LUZP4: variants seen among roughly 807,000 people sequenced by gnomAD.
LUZP4 encodes HOM-TES-85 tumor antigen.
LUZP4 carries 11 observed loss-of-function variants against 8.5 expected under a neutral mutation model. That is an observed-to-expected ratio of 1.30 (90% confidence interval 0.82 to 2.14). LUZP4 has a LOEUF of 2.14. Among genes scored for constraint, LUZP4 ranks in the 30% most tolerant of loss-of-function variants. The pLI, the probability that LUZP4 is intolerant of heterozygous loss-of-function variation, is 0.00. For synonymous variants in LUZP4, 104 were observed against 79.4 expected, an observed-to-expected ratio of 1.31 and a Z score of -1.65; for missense variants, 276 against 229.7, an observed-to-expected ratio of 1.20 and a Z score of -1.30.
chrX:115,299,352 G>T (rs1284187780), intron 1 of LUZP4, among the ~76,000 whole-genome samples: 1 of 110,882 alleles, frequency 9.0e-6, no homozygotes, highest in Non-Finnish European at 1.9e-5. Context: ...AGCAAAACCA[G>T]CCAGGCCTGT....
In LUZP4 at chrX:115,298,501, T is replaced by A. The variant is rs189335254; in HGVS notation, c.92-3491T>A. Among the ~76,000 whole-genome samples, 4 of 112,624 alleles carry A rather than the reference T, an allele frequency of 3.6e-5. No homozygotes were observed. In the East Asian group the frequency reaches 1.1e-3, roughly 32 times the overall value. On this transcript the variant is annotated intron_variant, in intron 1 of 3. Transcript: ENST00000371920. ...CATTGTTTGTTTGTTTTTTCTTTTGTCTCCTCTGATTGTATATTTTCAAAT... is the reference window on the plus strand; with the variant it reads ...CATTGTTTGTTTGTTTTTTCTTTTGACTCCTCTGATTGTATATTTTCAAAT...
At chrX:115,290,235 G>A (rs1199685312) in intron 1 of LUZP4, among the ~76,000 whole-genome samples, 1 of 111,845 alleles carries the variant, frequency 8.9e-6, no homozygotes, top group Non-Finnish European at 1.9e-5. Context: ...GGAGCCAAGT[G>A]CTCTTCTCAG....
At chrX:115,293,059 A>G (rs1556597490) in intron 1 of LUZP4, among the ~76,000 whole-genome samples, 2 of 110,745 alleles carry the variant, frequency 1.8e-5, no homozygotes, top group East Asian at 5.6e-4. Flanking sequence ...GGTGAGGTAA[A>G]TGAGGCACTT....
intron 1 of LUZP4, among the ~76,000 whole-genome samples, chrX:115,300,918 G>T (rs1454735470): frequency 9.0e-6 from 1 of 111,109 alleles, no homozygotes; most frequent in Admixed American, 9.6e-5. Flanking sequence ...TTTTATGAAG[G>T]TGTTTTTTTC....
intron 1 of LUZP4, among the ~76,000 whole-genome samples, chrX:115,295,707 TA>T (rs2073368086): frequency 9.3e-6 from 1 of 107,890 alleles, no homozygotes; most frequent in Admixed American, 1.0e-4. Flanking sequence ...TTAAAACAAA[TA>T]AAAGGCAAAA....
At chrX:115,300,769 C>T (rs145977759) in intron 1 of LUZP4, among the ~76,000 whole-genome samples, 303 of 86,733 alleles carry the variant, frequency 3.5e-3, no homozygotes, top group African/African-American at 0.012. Flanking sequence ...ATGCTCTTGG[C>T]ACCACCATGT....
Position 115,289,783 on chromosome X carries a change from G to A in LUZP4, c.24G>A (p.Thr8=), listed in dbSNP as rs782456821. Residue 8 remains threonine, a synonymous_variant, in exon 1 of 4, where the codon ACG becomes ACA. Coordinates refer to ENST00000371920, the MANE Select transcript of LUZP4 (RefSeq NM_016383.5). ...AGATGGCTTCGTTTCGGAAGCTAACGCTTTCTGAAAAAGTGCCGCCAAATC... is the reference window on the plus strand; with the variant it reads ...AGATGGCTTCGTTTCGGAAGCTAACACTTTCTGAAAAAGTGCCGCCAAATC... MASFRKL[T]LSEKVPPNHP... is the part of the protein sequence containing the mutation. 1.7e-6 allele frequency: 2 copies of A among 1,207,624 alleles called. No individual in the cohort carries two copies. Among genetic ancestry groups the A allele is most frequent in the East Asian group, 3.0e-5 (1 of 33,632 alleles).
At chrX:115,297,585 T>C (rs2073376189) in intron 1 of LUZP4, among the ~76,000 whole-genome samples, 4 of 111,919 alleles carry the variant, frequency 3.6e-5, no homozygotes, top group Admixed American at 2.9e-4. Flanking sequence ...GCCCACTCTC[T>C]CCTGGCCTGT....
At position 115,306,871 on chromosome X, in the gene LUZP4, T is replaced by C; in HGVS notation, c.*67T>C. ...ATATATCTATATTCTAATGGCTAAA[T>C]ATGTATTTGTTGAAACATGTATATT... On this transcript the variant is annotated 3_prime_UTR_variant, in exon 4 of 4. Coordinates refer to ENST00000371920, the MANE Select transcript of LUZP4 (RefSeq NM_016383.5). The C allele has an allele frequency of 1.0e-6, 1 of 992,432 alleles. No individual in the cohort carries two copies. The highest frequency in any genetic ancestry group is 1.4e-6 in the Non-Finnish European group (1 of 713,910). 81.8% of individuals were successfully genotyped at this position (992,432 alleles called of 1,213,427 possible).
chrX:115,293,888 T>C (rs782648141), intron 1 of LUZP4, among the ~76,000 whole-genome samples: 2 of 109,748 alleles, frequency 1.8e-5, no homozygotes, highest in Non-Finnish European at 3.8e-5. Context: ...GAGGCCGAGG[T>C]TGCAGTGAGC....
chrX:115,294,238 T>A (rs1556598146), intron 1 of LUZP4, among the ~76,000 whole-genome samples: 1 of 112,203 alleles, frequency 8.9e-6, no homozygotes, highest in Non-Finnish European at 1.9e-5. Flanking sequence ...AACTGATAAA[T>A]AGCTAAAGCA....
chrX:115,297,516 A>T (rs782769634), intron 1 of LUZP4, among the ~76,000 whole-genome samples: 7 of 111,655 alleles, frequency 6.3e-5, no homozygotes, highest in Non-Finnish European at 1.1e-4. Flanking sequence ...TGTTTGAAGC[A>T]TATTCTCACT....
intron 1 of LUZP4, among the ~76,000 whole-genome samples, chrX:115,298,857 T>A (rs1484634808): frequency 9.0e-6 from 1 of 111,494 alleles, no homozygotes; most frequent in African/African-American, 3.3e-5. Context: ...TTGATACTAG[T>A]AGATGTTCTT....
At chrX:115,298,540 GCTCA>G (rs2147402398) in intron 1 of LUZP4, among the ~76,000 whole-genome samples, 1 of 112,110 alleles carries the variant, frequency 8.9e-6, no homozygotes, top group East Asian at 2.8e-4. Flanking sequence ...CTTTCTTCAA[GCTCA>G]CTAATTCTTT....
intron 1 of LUZP4, among the ~76,000 whole-genome samples, chrX:115,299,332 A>G (rs1218373420): frequency 4.6e-5 from 5 of 109,673 alleles, no homozygotes; most frequent in Non-Finnish European, 9.5e-5. Flanking sequence ...AATCTCTACA[A>G]TCAGCCAGTA....
chrX:115,290,529 G>A (rs782758310), intron 1 of LUZP4, among the ~76,000 whole-genome samples: 2 of 111,383 alleles, frequency 1.8e-5, no homozygotes, highest in Admixed American at 1.9e-4. Context: ...CTTTATCAAG[G>A]CCCCTAACCT....
At chrX:115,303,644 T>C (rs1603138979) in intron 3 of LUZP4, among the ~76,000 whole-genome samples, 2 of 112,441 alleles carry the variant, frequency 1.8e-5, no homozygotes, top group East Asian at 5.5e-4. Flanking sequence ...ACTAAAACTT[T>C]TGAATTTATA....
intron 1 of LUZP4, among the ~76,000 whole-genome samples, chrX:115,294,131 A>G (rs1381160490): frequency 9.0e-6 from 1 of 111,718 alleles, no homozygotes; most frequent in Non-Finnish European, 1.9e-5. Context: ...ACTGAAGGGA[A>G]TTTATAGCAC....
chrX:115,305,337 C>T (rs1457311472), intron 3 of LUZP4, among the ~76,000 whole-genome samples: 3 of 112,045 alleles, frequency 2.7e-5, no homozygotes, highest in African/African-American at 6.5e-5. Context: ...TAATTTTTTA[C>T]ATTTTTATTT....
Sources: gnomAD v4.1 joint callset for allele counts (sites outside exome capture counted in the v4.1 genomes callset) on GRCh38, gnomAD v4.1.1 for gene constraint, MANE v1.5 for transcripts, NCBI Gene and HGNC (gene_info 2026-07-23, HGNC 2026-07-21) for gene names.